Variants in TEX101 observed in about 807,000 individuals in gnomAD.
TEX101 encodes testis expressed 101, also known as testis-expressed protein 101.
TEX101 carries 10 observed loss-of-function variants against 18.1 expected under a neutral mutation model. The ratio of observed to expected loss-of-function variants is 0.55; its 90% CI spans 0.34 to 0.94. The LOEUF is 0.94. Ranked by LOEUF, TEX101 falls within the 40% of genes least tolerant of loss-of-function variation. The pLI is 0.02. For missense variants in TEX101, 259 were observed against 298.9 expected, an observed-to-expected ratio of 0.87 and a Z score of 0.98; for synonymous variants, 94 against 114.8, an observed-to-expected ratio of 0.82 and a Z score of 1.16.
the TEX101 span, among the ~76,000 whole-genome samples, chr19:43,395,451 T>C: frequency 6.6e-6 from 1 of 152,348 alleles, no homozygotes; most frequent in African/African-American, 2.4e-5. Context: ...ACCTGTGATG[T>C]GGCTGCATGG....
upstream of TEX101, among the ~76,000 whole-genome samples, chr19:43,401,288 G>A (rs773176022): frequency 1.3e-5 from 2 of 152,192 alleles, no homozygotes; most frequent in Non-Finnish European, 2.9e-5. Flanking sequence ...GTCTTGAAAC[G>A]CTGAAAGCAA....
chr19:43,391,948 T>C, the TEX101 span, among the ~76,000 whole-genome samples: 1 of 152,076 alleles, frequency 6.6e-6, no homozygotes, highest in Middle Eastern at 3.2e-3. Context: ...GGACAGCATA[T>C]GGAAAGCACT....
At position 43,409,561 on chromosome 19, in the gene TEX101, T is replaced by A. The variant is rs189420239; in HGVS notation, c.15+3042T>A. ...AAAAGCATTATTGAAAGTGTGAGTA[T>A]TGAAAAAGATATACCATGCAAACAG... On this transcript the variant is annotated intron_variant, in intron 3 of 7. Coordinates refer to the TEX101 transcript ENST00000602198. Among the ~76,000 whole-genome samples the A allele has an allele frequency of 4.6e-5, 7 of 151,272 alleles. No homozygotes were observed. In the East Asian group the frequency reaches 1.2e-3, roughly 25 times the overall value.
upstream of TEX101, among the ~76,000 whole-genome samples, chr19:43,397,713 T>C (rs934461020): frequency 2.1e-5 from 3 of 144,880 alleles, no homozygotes; most frequent in Middle Eastern, 0.01. Flanking sequence ...AATAACTCCC[T>C]AACAGTATCT....
upstream of TEX101, among the ~76,000 whole-genome samples, chr19:43,397,734 C>T (rs1409034817): frequency 2.1e-5 from 3 of 139,608 alleles, no homozygotes; most frequent in Non-Finnish European, 4.5e-5. Flanking sequence ...AATACATAGT[C>T]CATTTTCAAT....
chr19:43,413,267 G>T (rs531439524), upstream of TEX101, among the ~76,000 whole-genome samples: 1 of 152,050 alleles, frequency 6.6e-6, no homozygotes, highest in Non-Finnish European at 1.5e-5. Flanking sequence ...CAGCACTTTG[G>T]GGGGCGGGCG....
At chr19:43,413,202 A>T (rs1222270104), upstream of TEX101, among the ~76,000 whole-genome samples, 1 of 152,188 alleles carries the variant, frequency 6.6e-6, no homozygotes, top group Admixed American at 6.5e-5. Flanking sequence ...TCGAAGTTGT[A>T]AGCCTTTAAA....
chr19:43,404,126 T>C (rs547136244), intron 2 of TEX101, among the ~76,000 whole-genome samples: 1 of 148,204 alleles, frequency 6.7e-6, no homozygotes, highest in South Asian at 2.2e-4. Flanking sequence ...AAGACAGGTA[T>C]GTGTAAGAAG....
At chr19:43,414,699 C>T (rs894337319), upstream of TEX101, among the ~76,000 whole-genome samples, 5 of 152,328 alleles carry the variant, frequency 3.3e-5, no homozygotes, top group East Asian at 7.7e-4. Flanking sequence ...CAGGCAGGAT[C>T]TTCCGGCCGG....
chr19:43,411,474 G>A (rs772210818), upstream of TEX101, among the ~76,000 whole-genome samples: 5 of 152,162 alleles, frequency 3.3e-5, no homozygotes, highest in African/African-American at 9.7e-5. Context: ...AGGGCAGGGC[G>A]TACTGCAATA....
chr19:43,416,682 G>A (rs1305026166), intron 4 of TEX101, 127 bp downstream of exon 4: 4 of 880,230 alleles, frequency 4.5e-6, no homozygotes, highest in Non-Finnish European at 7.1e-6. Flanking sequence ...CACAGTTCAA[G>A]TAATTTTATG....
rs774198060 is a variant in TEX101 at position 43,416,243 on chromosome 19, G to A, written c.208+1G>A. On this transcript the variant is annotated splice_donor_variant, in intron 3 of 5. Coordinates refer to ENST00000598265, the MANE Select transcript of TEX101 (RefSeq NM_001130011.3). LOFTEE classifies it high-confidence loss of function. ...GAAACCATACTAATAATTAAAGCAG[G>A]TGAAATGAGATGGGGCATTTGGGCT... is the stretch of plus-strand genomic sequence containing the variant. 6.2e-7 allele frequency: 1 copy of A among 1,604,766 alleles called. No individual in the cohort carries two copies. Among genetic ancestry groups the A allele is most frequent in the Non-Finnish European group, 8.5e-7 (1 of 1,175,836 alleles).
intron 3 of TEX101, 26 bp downstream of exon 3, chr19:43,416,268 TG>T: frequency 6.3e-7 from 1 of 1,594,544 alleles, no homozygotes; most frequent in Non-Finnish European, 8.5e-7. Context: ...GCATTTGGGC[TG>T]GGTAGGAGGG....
chr19:43,416,670 C>T, intron 4 of TEX101, 115 bp downstream of exon 4: 1 of 977,756 alleles, frequency 1.0e-6, no homozygotes, highest in Middle Eastern at 2.6e-4. Flanking sequence ...CCCAAAGTAC[C>T]TCACAGTTCA....
intron 3 of TEX101, among the ~76,000 whole-genome samples, chr19:43,406,907 TTTTGTTTTTTGTC>T (rs1373728703): frequency 6.7e-6 from 1 of 149,142 alleles, no homozygotes; most frequent in Non-Finnish European, 1.5e-5. Context: ...TGAGGCTTCT[TTTTGTTTTTTGTC>T]TTTGTTTTTT....
At chr19:43,414,626 G>A (rs892738463), upstream of TEX101, among the ~76,000 whole-genome samples, 2 of 152,186 alleles carry the variant, frequency 1.3e-5, no homozygotes, top group Non-Finnish European at 2.9e-5. Context: ...AGAGAAATGG[G>A]CCAGGCGAGG....
chr19:43,405,486 G>C (rs962618271), intron 2 of TEX101, among the ~76,000 whole-genome samples: 1 of 146,170 alleles, frequency 6.8e-6, no homozygotes, highest in African/African-American at 2.6e-5. Flanking sequence ...CCTGAGGCAG[G>C]CTTGAACCTG....
chr19:43,410,227 C>T (rs1389736660), upstream of TEX101, among the ~76,000 whole-genome samples: 2 of 152,134 alleles, frequency 1.3e-5, no homozygotes, highest in Admixed American at 6.6e-5. Flanking sequence ...CTGCACGATG[C>T]TTATGCCGGC....
Position 43,418,529 on chromosome 19 carries a change from AT to A in TEX101, c.*137del. ...CAGAGATACTATGAACGTATTTGAC[AT>A]TTTTAATACAATTTCTGCTATAATT... On this transcript the variant is annotated 3_prime_UTR_variant, in exon 6 of 6. Transcript: ENST00000598265. The A allele has an allele frequency of 1.4e-6, 1 of 712,212 alleles. No individual in the cohort carries two copies. The allele number at this position is 712,212 out of a possible 1,614,324, so 44.1% of individuals were successfully genotyped here.
Sources: gnomAD v4.1 joint callset for allele counts (sites outside exome capture counted in the v4.1 genomes callset) on GRCh38, gnomAD v4.1.1 for gene constraint, MANE v1.5 for transcripts, NCBI Gene and HGNC (gene_info 2026-07-23, HGNC 2026-07-21) for gene names.